Variants in RIMBP2 observed in about 807,000 individuals in gnomAD.
The protein encoded by RIMBP2 is RIMS-binding protein 2.
RIMBP2 carries 48 observed loss-of-function variants against 118.6 expected under a neutral mutation model. The ratio of observed to expected loss-of-function variants is 0.40; its 90% CI spans 0.32 to 0.51. RIMBP2 has a LOEUF of 0.51. RIMBP2 is among the 20% of genes least tolerant of loss of function. The probability of loss-of-function intolerance (pLI) is 0.41; values close to 1 mark genes in which losing one functional copy is unlikely to be tolerated. For missense variants in RIMBP2, 1,551 were observed against 1,768.3 expected (o/e 0.88, Z 2.20); for synonymous variants, 762 against 742.9 (o/e 1.03, Z -0.42).
intron 4 of RIMBP2, among the ~76,000 whole-genome samples, chr12:130,480,973 C>A (rs538565076): frequency 2.4e-3 from 373 of 152,338 alleles, no homozygotes; most frequent in African/African-American, 8.5e-3. Flanking sequence ...AGGTCGGACA[C>A]ACGCGTCCAA....
In RIMBP2 at chr12:130,622,227, G is replaced by A. The variant is rs2061361144; in HGVS notation, c.-217+6095C>T. Among the ~76,000 whole-genome samples, 1 of 152,194 alleles carries A rather than the reference G, an allele frequency of 6.6e-6. No individual in the cohort carries two copies. The highest frequency in any genetic ancestry group is 2.4e-5 in the African/African-American group (1 of 41,454). On this transcript the variant is annotated intron_variant, in intron 2 of 22. Coordinates refer to ENST00000690449, the MANE Select transcript of RIMBP2 (RefSeq NM_001393629.1). The surrounding 1 kb of genome is among the most constrained non-coding windows in gnomAD (Gnocchi z 8.5). ...TAACAGGCAGGGCCTGTGGCTGACT[G>A]GAGCAGACGTGAAGCCCCCACAAGG... is the stretch of plus-strand genomic sequence containing the variant.
chr12:130,700,049 C>T (rs1221669014), intron 1 of RIMBP2, among the ~76,000 whole-genome samples: 1 of 151,952 alleles, frequency 6.6e-6, no homozygotes, highest in Non-Finnish European at 1.5e-5. Context: ...GCTCTCAGCC[C>T]ACAGATGCCC....
chr12:130,579,608 T>A (rs2058325807), intron 2 of RIMBP2, among the ~76,000 whole-genome samples: 1 of 151,972 alleles, frequency 6.6e-6, no homozygotes, highest in African/African-American at 2.4e-5. Context: ...GTCCTGTGAG[T>A]CCTGAGAGAA....
At chr12:130,680,595 C>T (rs917335193) in intron 1 of RIMBP2, among the ~76,000 whole-genome samples, 2 of 152,180 alleles carry the variant, frequency 1.3e-5, no homozygotes, top group African/African-American at 4.8e-5. Context: ...CCGCGGCTCT[C>T]GGGGAGAGGC....
intron 1 of RIMBP2, among the ~76,000 whole-genome samples, chr12:130,649,226 C>A (rs2063119494): frequency 8.3e-6 from 1 of 120,610 alleles, no homozygotes; most frequent in African/African-American, 2.7e-5. Flanking sequence ...AAGCCAGCCT[C>A]TAGGCCAAGT....
intron 2 of RIMBP2, among the ~76,000 whole-genome samples, chr12:130,557,242 AG>A (rs1161608118): frequency 6.6e-6 from 1 of 152,034 alleles, no homozygotes; most frequent in Non-Finnish European, 1.5e-5. Flanking sequence ...CCACAGAGAC[AG>A]GGAGAGGCCT....
At chr12:130,478,760 G>A (rs755462729) in intron 5 of RIMBP2, 152 bp downstream of exon 5, 2 of 603,912 alleles carry the variant, frequency 3.3e-6, no homozygotes, top group Non-Finnish European at 5.9e-6. Flanking sequence ...CAGCAGGAAA[G>A]CAGAAATGAC....
chr12:130,425,108 C>T, intron 15 of RIMBP2: 1 of 364,500 alleles, frequency 2.7e-6, no homozygotes, highest in Admixed American at 4.7e-5. Context: ...GGGCAGGAGC[C>T]AGCGCCATGC....
At chr12:130,607,852 C>A (rs551938602) in intron 2 of RIMBP2, among the ~76,000 whole-genome samples, 1 of 151,896 alleles carries the variant, frequency 6.6e-6, no homozygotes, top group East Asian at 1.9e-4. Flanking sequence ...GTGTTGGGTG[C>A]AAGCATCAGA....
intron 2 of RIMBP2, among the ~76,000 whole-genome samples, chr12:130,613,107 C>A (rs1403055755): frequency 2.0e-5 from 3 of 152,232 alleles, no homozygotes; most frequent in African/African-American, 7.2e-5. Context: ...TTTGTCCTCA[C>A]GAGTGTCCTT....
intron 1 of RIMBP2, among the ~76,000 whole-genome samples, chr12:130,709,960 C>G (rs1272911117): frequency 6.6e-6 from 1 of 152,132 alleles, no homozygotes; most frequent in East Asian, 1.9e-4. Context: ...CAAGGAGGAC[C>G]TTCCACCCAA....
chr12:130,642,022 GT>G (rs1197128180), intron 1 of RIMBP2, among the ~76,000 whole-genome samples: 2 of 152,262 alleles, frequency 1.3e-5, no homozygotes, highest in African/African-American at 4.8e-5. Flanking sequence ...AGGTCACACA[GT>G]TTGTAAATAG....
intron 4 of RIMBP2, among the ~76,000 whole-genome samples, chr12:130,494,401 G>A (rs1375677846): frequency 6.6e-6 from 1 of 152,150 alleles, no homozygotes; most frequent in East Asian, 1.9e-4. Flanking sequence ...CACTTTAGGA[G>A]GCCAAGGCAG....
chr12:130,445,018 G>C, intron 10 of RIMBP2, 142 bp downstream of exon 10: 1 of 557,426 alleles, frequency 1.8e-6, no homozygotes, highest in Non-Finnish European at 3.2e-6. Context: ...GGTAACTACG[G>C]AGTGGGGAAG....
At chr12:130,521,603 T>G (rs1238456048) in intron 2 of RIMBP2, among the ~76,000 whole-genome samples, 1 of 152,172 alleles carries the variant, frequency 6.6e-6, no homozygotes, top group Non-Finnish European at 1.5e-5. Flanking sequence ...CGCTGTTGAG[T>G]ACTGACCACA....
chr12:130,696,313 G>T (rs959241132), intron 1 of RIMBP2, among the ~76,000 whole-genome samples: 6 of 152,222 alleles, frequency 3.9e-5, no homozygotes, highest in Non-Finnish European at 5.9e-5. Context: ...ATGGGAGTCT[G>T]GGGGATGTGT....
At chr12:130,656,323 G>T (rs2063427849) in intron 1 of RIMBP2, among the ~76,000 whole-genome samples, 1 of 152,166 alleles carries the variant, frequency 6.6e-6, no homozygotes, top group South Asian at 2.1e-4. Flanking sequence ...ACCCCTGGCA[G>T]GCAGGGGCTA....
intron 17 of RIMBP2, among the ~76,000 whole-genome samples, chr12:130,418,835 C>G (rs1486161045): frequency 6.6e-6 from 1 of 152,174 alleles, no homozygotes; most frequent in Non-Finnish European, 1.5e-5. Flanking sequence ...CAAGTCCAAA[C>G]TCACATGGAC....
chr12:130,513,511 G>A (rs998957092), intron 3 of RIMBP2, among the ~76,000 whole-genome samples: 19 of 10,754 alleles, frequency 1.8e-3, no homozygotes, highest in African/African-American at 2.7e-3. Flanking sequence ...GCCCAGTGCG[G>A]GGAGGAGGGA....
Sources: gnomAD v4.1 joint callset for allele counts (sites outside exome capture counted in the v4.1 genomes callset) on GRCh38, gnomAD v4.1.1 for gene constraint, Gnocchi (gnomAD v3.1) non-coding constraint, MANE v1.5 for transcripts, NCBI Gene and HGNC (gene_info 2026-07-23, HGNC 2026-07-21) for gene names.